The following SLC2A9 variants were observed in gnomAD, a reference collection of about 807,000 sequenced individuals.
SLC2A9 encodes the protein solute carrier family 2 member 9, also known as solute carrier family 2, facilitated glucose transporter member 9.
SLC2A9 carries 39 observed loss-of-function variants against 50.6 expected under a neutral mutation model. The observed-to-expected ratio is 0.77, with a 90% CI of 0.60 to 1.01. SLC2A9 has a LOEUF of 1.01. SLC2A9 is among the 50% of genes least tolerant of loss of function. The probability of loss-of-function intolerance (pLI) is 0.00; values close to 1 mark genes in which losing one functional copy is unlikely to be tolerated. For synonymous variants in SLC2A9, 324 were observed against 276.9 expected, an observed-to-expected ratio of 1.17 and a Z score of -1.69; for missense variants, 686 against 677.6, an observed-to-expected ratio of 1.01 and a Z score of -0.14.
At chr4:10,021,779 G>A (rs1464874354), upstream of SLC2A9, among the ~76,000 whole-genome samples, 1 of 151,380 alleles carries the variant, frequency 6.6e-6, no homozygotes, top group Non-Finnish European at 1.5e-5. Flanking sequence ...GCTTGGAACA[G>A]AATGGAGAGG....
At position 9,931,956 on chromosome 4, in the gene SLC2A9, CTCTCTCTATATATATATA is replaced by C. The variant is rs1243705786; in HGVS notation, c.814+9939_814+9956del. Reference sequence around the variant, plus strand: ...TCTCTCTCTCTCTCTCTCTCTCTCTCTCTCTCTATATATATATATATATATATATATATATATATATAT... The same window carrying C: ...TCTCTCTCTCTCTCTCTCTCTCTCTCTATATATATATATATATATATATAT... On this transcript the variant is annotated intron_variant, in intron 6 of 11. Transcript: ENST00000264784. Among the ~76,000 whole-genome samples, 55 of 43,272 alleles carry C rather than the reference CTCTCTCTATATATATATA, an allele frequency of 1.3e-3. No homozygotes were observed. In the East Asian group the frequency reaches 0.014, roughly 11 times the overall value. 28.4% of individuals were successfully genotyped at this position (43,272 alleles called of 152,430 possible).
At chr4:9,861,145 G>A (rs557058386) in intron 10 of SLC2A9, among the ~76,000 whole-genome samples, 9 of 152,174 alleles carry the variant, frequency 5.9e-5, no homozygotes, top group South Asian at 2.1e-4. Context: ...ATTGGCTCAC[G>A]GTTCCAACAG....
intron 5 of SLC2A9, among the ~76,000 whole-genome samples, chr4:9,942,304 G>A (rs995965564): frequency 4.6e-5 from 7 of 152,172 alleles, no homozygotes; most frequent in Admixed American, 1.3e-4. Flanking sequence ...AAAAGCAGGC[G>A]GCTCTGGTTG....
At position 9,880,189 on chromosome 4, in the gene SLC2A9, TAGAC is replaced by T. The variant is rs1172019056; in HGVS notation, c.1291+7374_1291+7377del. ...TCATGGTCTAAGTGGCAGCTTTTCT[TAGAC>T]AGGTAAGTTCCCTGAGGCTTTAAAC... On this transcript the variant is annotated intron_variant, in intron 10 of 11. Transcript: ENST00000264784. 3 of 985,322 alleles carry T rather than the reference TAGAC, an allele frequency of 3.0e-6. No individual in the cohort carries two copies. In the African/African-American group the frequency reaches 5.2e-5, roughly 17 times the overall value. 61.0% of individuals were successfully genotyped at this position (985,322 alleles called of 1,614,324 possible).
intron 1 of SLC2A9, among the ~76,000 whole-genome samples, chr4:10,033,654 A>G (rs533820039): frequency 1.3e-5 from 2 of 152,222 alleles, no homozygotes; most frequent in Admixed American, 6.5e-5. Context: ...AGTTACCCCA[A>G]TACGCCCACT....
intron 5 of SLC2A9, among the ~76,000 whole-genome samples, chr4:9,952,915 G>A (rs565298807): frequency 1.1e-4 from 16 of 152,280 alleles, no homozygotes; most frequent in South Asian, 8.3e-4. Context: ...TTCCAGAAGC[G>A]GTCGGGTCAT....
chr4:9,967,773 G>GT lies in SLC2A9; in HGVS notation c.681+12818dup, dbSNP rs138744718. 3.5e-3 allele frequency among the ~76,000 whole-genome samples: 527 copies of GT among 151,790 alleles called. 4 individuals carry two copies. Among genetic ancestry groups the GT allele is most frequent in the African/African-American group, 0.012 (478 of 41,446 alleles). On this transcript the variant is annotated intron_variant, in intron 5 of 11. Coordinates refer to ENST00000264784, the MANE Select transcript of SLC2A9 (RefSeq NM_020041.3). Reference sequence around the variant, plus strand: ...CATTAAAAAATCTTGCCTGGTAAATGTTTTTTCCTAAAATAAAGTGACTGG... The same window carrying GT: ...CATTAAAAAATCTTGCCTGGTAAATGTTTTTTTCCTAAAATAAAGTGACTGG...
intron 1 of SLC2A9, among the ~76,000 whole-genome samples, chr4:10,032,865 G>T (rs996663647): frequency 6.6e-6 from 1 of 152,162 alleles, no homozygotes; most frequent in Non-Finnish European, 1.5e-5. Context: ...CAGTTCTGAT[G>T]ACCTAACCGT....
At chr4:9,966,766 G>A (rs183919211) in intron 5 of SLC2A9, among the ~76,000 whole-genome samples, 2 of 152,298 alleles carry the variant, frequency 1.3e-5, no homozygotes, top group Admixed American at 6.5e-5. Flanking sequence ...ATGGTGTAAT[G>A]TAAGCATTGC....
At chr4:9,982,162 G>C (rs1446040423) in intron 4 of SLC2A9, among the ~76,000 whole-genome samples, 1 of 152,234 alleles carries the variant, frequency 6.6e-6, no homozygotes, top group Admixed American at 6.5e-5. Flanking sequence ...TTACAGGCGT[G>C]AGCCACTGCG....
rs543788874 is a variant in SLC2A9 at position 9,809,450 on chromosome 4, G to A, written n.421-10209C>T. On this transcript the variant is annotated intron_variant and non_coding_transcript_variant, in intron 3 of 3. Transcript: ENST00000503280. ...AACAGAAATACTCTGTGGACCACAG[G>A]GCGCCTGACTCTAGTCTCTTGTGTG... Among the ~76,000 whole-genome samples, 70 of 152,328 alleles carry A rather than the reference G, an allele frequency of 4.6e-4. 1 individual carries two copies. In the South Asian group the frequency reaches 0.013, roughly 29 times the overall value.
intron 8 of SLC2A9, among the ~76,000 whole-genome samples, chr4:9,891,470 C>T (rs953914687): frequency 6.6e-6 from 1 of 152,172 alleles, no homozygotes; most frequent in Non-Finnish European, 1.5e-5. Context: ...AGCCCCAGGG[C>T]CTTTATCTGT....
chr4:9,961,729 G>A (rs115277654), intron 5 of SLC2A9, among the ~76,000 whole-genome samples: 1,742 of 152,112 alleles, frequency 0.011, 46 homozygotes, highest in African/African-American at 0.039. Context: ...GAGCTTCTGC[G>A]CAGAAACAAA....
Position 9,772,913 on chromosome 4 carries a change from G to A in SLC2A9, n.182-1544C>T, listed in dbSNP as rs376685079. Among the ~76,000 whole-genome samples the A allele has an allele frequency of 3.4e-4, 51 of 151,772 alleles. No individual in the cohort carries two copies. The East Asian group carries it at 6.6e-3, about 20-fold the overall frequency. ...ATGTATACATGTGCCATGCTGGTGCGCTGCACCCACTAATGGATGCCATTT... is the reference window on the plus strand; with the variant it reads ...ATGTATACATGTGCCATGCTGGTGCACTGCACCCACTAATGGATGCCATTT... On this transcript the variant is annotated intron_variant and non_coding_transcript_variant, in intron 1 of 1. Transcript: ENST00000508585.
At chr4:9,928,676 G>A (rs1435471584) in intron 6 of SLC2A9, among the ~76,000 whole-genome samples, 3 of 152,236 alleles carry the variant, frequency 2.0e-5, no homozygotes, top group African/African-American at 7.2e-5. Flanking sequence ...GGAGGTTGCA[G>A]TGAGCCGAAA....
chr4:9,969,135 A>G (rs1283743459), intron 5 of SLC2A9, among the ~76,000 whole-genome samples: 1 of 152,134 alleles, frequency 6.6e-6, no homozygotes, highest in Non-Finnish European at 1.5e-5. Flanking sequence ...TCTTGTAGAG[A>G]TATTAAATAA....
chr4:9,922,428 A>T (rs907919665), intron 6 of SLC2A9, among the ~76,000 whole-genome samples: 5 of 152,052 alleles, frequency 3.3e-5, no homozygotes, highest in African/African-American at 1.2e-4. Flanking sequence ...GCGCATGTTG[A>T]CCTATGTAAC....
chr4:9,945,475 G>C (rs954861593), intron 5 of SLC2A9, among the ~76,000 whole-genome samples: 13 of 152,194 alleles, frequency 8.5e-5, no homozygotes, highest in African/African-American at 3.1e-4. Context: ...CGCAGACAGA[G>C]AGCCTGTGAT....
downstream of SLC2A9, chr4:9,779,748 C>G (rs1017906659): frequency 6.7e-6 from 1 of 149,854 alleles, no homozygotes; most frequent in Non-Finnish European, 1.5e-5. Flanking sequence ...ATCTCTCTCT[C>G]TCTCTCTCTC....
Sources: gnomAD v4.1 joint callset for allele counts (sites outside exome capture counted in the v4.1 genomes callset) on GRCh38, gnomAD v4.1.1 for gene constraint, MANE v1.5 for transcripts, NCBI Gene and HGNC (gene_info 2026-07-23, HGNC 2026-07-21) for gene names.